RANBP2: variants seen among roughly 807,000 people sequenced by gnomAD.
RANBP2 encodes the protein RAN binding protein 2, also known as E3 SUMO-protein ligase RanBP2.
Under a neutral mutation model 303.6 loss-of-function variants are expected in RANBP2, and 57 were observed. That is an observed-to-expected ratio of 0.19 (90% confidence interval 0.15 to 0.23). The LOEUF is 0.23. Among genes scored for constraint, RANBP2 ranks in the 10% least tolerant of loss-of-function variants. RANBP2 has a pLI of 1.00. For synonymous variants in RANBP2, 1,167 were observed against 1,301.5 expected (o/e 0.90, Z 2.23); for missense variants, 3,138 against 3,780.8 (o/e 0.83, Z 4.46).
At chr2:108,753,264 G>T (rs826521) in intron 13 of RANBP2, 105 bp downstream of exon 13, 383,940 of 1,605,004 alleles carry the variant, frequency 0.24, 47,730 homozygotes, top group African/African-American at 0.35. Flanking sequence ...TTATTTAATG[G>T]TAATCTTGTT....
chr2:108,876,168 C>T, the RANBP2 span: 2 of 1,611,778 alleles, frequency 1.2e-6, no homozygotes, highest in South Asian at 2.2e-5. Context: ...CCAGAGCATG[C>T]ATTTCTCTGT....
the RANBP2 span, among the ~76,000 whole-genome samples, chr2:109,078,102 A>AGCG: frequency 4.7e-4 from 42 of 90,124 alleles, no homozygotes; most frequent in Non-Finnish European, 7.6e-4. Flanking sequence ...ATATATATAT[A>AGCG]TATATATATA....
chr2:109,265,285 C>G, the RANBP2 span, among the ~76,000 whole-genome samples: 1 of 152,158 alleles, frequency 6.6e-6, no homozygotes, highest in Non-Finnish European at 1.5e-5. Context: ...AGCTCGTGGG[C>G]TGTGTTCGCC....
At chr2:108,905,380 C>A in the RANBP2 span, among the ~76,000 whole-genome samples, 1 of 152,218 alleles carries the variant, frequency 6.6e-6, no homozygotes, top group African/African-American at 2.4e-5. Flanking sequence ...TGACCTGGGG[C>A]ATGCGTTTAT....
chr2:109,068,895 C>A, the RANBP2 span, among the ~76,000 whole-genome samples: 1 of 152,178 alleles, frequency 6.6e-6, no homozygotes, highest in African/African-American at 2.4e-5. Flanking sequence ...GTCCCTCCTG[C>A]AAAATGGAAA....
At chr2:109,764,405 C>A in the RANBP2 span, among the ~76,000 whole-genome samples, 2 of 147,528 alleles carry the variant, frequency 1.4e-5, 1 homozygote, top group Non-Finnish European at 3.0e-5. Flanking sequence ...AAAATAATGA[C>A]CATCCCTTTT....
chr2:109,687,429 T>C, the RANBP2 span, among the ~76,000 whole-genome samples: 2 of 152,196 alleles, frequency 1.3e-5, no homozygotes. Flanking sequence ...AGCTCCTCTC[T>C]GAGGAGCCCT....
At chr2:109,530,328 A>G in the RANBP2 span, among the ~76,000 whole-genome samples, 10 of 152,298 alleles carry the variant, frequency 6.6e-5, no homozygotes, top group South Asian at 2.1e-3. Context: ...ACTGACAGCC[A>G]CGTGTCCACT....
chr2:108,913,098 A>G, the RANBP2 span, among the ~76,000 whole-genome samples: 674 of 151,850 alleles, frequency 4.4e-3, 10 homozygotes, highest in Admixed American at 5.8e-3. Flanking sequence ...ACAGGCACCC[A>G]CCACCACACC....
the RANBP2 span, among the ~76,000 whole-genome samples, chr2:109,577,811 G>C: frequency 1.1e-4 from 16 of 150,664 alleles, no homozygotes; most frequent in Admixed American, 3.3e-4. Flanking sequence ...TACACAGGAG[G>C]CTGAGGCTTA....
At chr2:108,969,391 C>T in the RANBP2 span, among the ~76,000 whole-genome samples, 7 of 152,200 alleles carry the variant, frequency 4.6e-5, no homozygotes, top group East Asian at 1.2e-3. Flanking sequence ...GTTGTATCTC[C>T]GGTGAGAGGA....
the RANBP2 span, among the ~76,000 whole-genome samples, chr2:109,472,801 G>A: frequency 2.0e-5 from 3 of 152,206 alleles, no homozygotes; most frequent in Admixed American, 6.5e-5. Context: ...CCAGCCAGAC[G>A]CCCGTTGGAA....
At chr2:109,208,623 A>T in the RANBP2 span, among the ~76,000 whole-genome samples, 8 of 152,192 alleles carry the variant, frequency 5.3e-5, no homozygotes, top group Admixed American at 3.9e-4. Flanking sequence ...CAGTCATTTG[A>T]CTTTACTGTT....
chr2:109,341,711 C>T, the RANBP2 span, among the ~76,000 whole-genome samples: 18 of 152,262 alleles, frequency 1.2e-4, no homozygotes, highest in South Asian at 3.5e-3. Flanking sequence ...AAAACTGGCC[C>T]ACCCTACTGT....
At chr2:108,929,490 T>C in the RANBP2 span, 4 of 1,164,952 alleles carry the variant, frequency 3.4e-6, no homozygotes, top group East Asian at 2.4e-5. Flanking sequence ...GAAGCTACTC[T>C]TGCCGGGCCT....
chr2:109,427,939 C>CT, the RANBP2 span, among the ~76,000 whole-genome samples: 1 of 152,388 alleles, frequency 6.6e-6, no homozygotes, highest in South Asian at 2.1e-4. Context: ...CTCTGAGCAT[C>CT]TGCACTCATC....
the RANBP2 span, among the ~76,000 whole-genome samples, chr2:108,913,683 A>T: frequency 6.6e-6 from 1 of 152,174 alleles, no homozygotes; most frequent in Non-Finnish European, 1.5e-5. Flanking sequence ...ATCTTTACGT[A>T]GTATGGGTAT....
chr2:108,821,541 T>G, the RANBP2 span, among the ~76,000 whole-genome samples: 1 of 152,066 alleles, frequency 6.6e-6, no homozygotes, highest in East Asian at 1.9e-4. Flanking sequence ...AAAGGGAATC[T>G]AAGTGTGTAA....
chr2:108,878,560 C>A, the RANBP2 span: 1 of 205,450 alleles, frequency 4.9e-6, no homozygotes, highest in South Asian at 9.2e-5. Context: ...TCTGGACAGT[C>A]AGATATGTTT....
Sources: allele counts gnomAD v4.1 joint callset (sites outside exome capture counted in the v4.1 genomes callset), GRCh38; gene constraint gnomAD v4.1.1; transcripts MANE v1.5; gene names NCBI Gene and HGNC (gene_info 2026-07-23, HGNC 2026-07-21).